The following NRXN1 variants were observed in gnomAD, a reference collection of about 807,000 sequenced individuals.
NRXN1 encodes neurexin-1.
NRXN1 carries 39 observed loss-of-function variants against 150.9 expected under a neutral mutation model. That is an observed-to-expected ratio of 0.26 (90% CI 0.20 to 0.34). The LOEUF is 0.34. NRXN1 is among the 10% of genes least tolerant of loss of function. The pLI is 1.00. For missense variants in NRXN1, 1,815 were observed against 1,949.9 expected, an observed-to-expected ratio of 0.93 and a Z score of 1.30; for synonymous variants, 924 against 757.0, an observed-to-expected ratio of 1.22 and a Z score of -3.62.
At chr2:50,893,865 T>G (rs1016201523) in intron 5 of NRXN1, among the ~76,000 whole-genome samples, 6 of 152,176 alleles carry the variant, frequency 3.9e-5, no homozygotes, top group Non-Finnish European at 8.8e-5. Flanking sequence ...TGGTTTTTTG[T>G]TCTTGTGATA....
At chr2:50,919,999 G>T (rs1685765095) in intron 5 of NRXN1, 1 of 398,494 alleles carries the variant, frequency 2.5e-6, no homozygotes, top group Non-Finnish European at 5.4e-6. Flanking sequence ...TAGATTTGTT[G>T]AATTAATCTG....
rs147892843 is a variant in NRXN1, at chr2:50,861,535, A to C, written c.832+60334T>G. ...CGTATAACCACCCCCACCTTTACCAAGTTTGAGATCAGATTTTAAGAGGAT... is the reference window on the plus strand; with the variant it reads ...CGTATAACCACCCCCACCTTTACCACGTTTGAGATCAGATTTTAAGAGGAT... On this transcript the variant is annotated intron_variant, in intron 5 of 22. Transcript: ENST00000401669. Among the ~76,000 whole-genome samples, 366 of 152,232 alleles carry C rather than the reference A, an allele frequency of 2.4e-3. 4 individuals are homozygous for C. Among genetic ancestry groups the C allele is most frequent in the African/African-American group, 8.5e-3 (352 of 41,556 alleles).
At chr2:50,435,162 G>A (rs2085318545) in intron 17 of NRXN1, among the ~76,000 whole-genome samples, 1 of 152,132 alleles carries the variant, frequency 6.6e-6, no homozygotes. Flanking sequence ...GAGAGAGTTG[G>A]ATGCTGAATA....
chr2:50,158,928 G>A (rs1040421611), intron 18 of NRXN1, among the ~76,000 whole-genome samples: 6 of 151,918 alleles, frequency 3.9e-5, no homozygotes, highest in African/African-American at 7.2e-5. Context: ...GACAAAAAAC[G>A]CGTAAGATAG....
In NRXN1 at chr2:50,977,974, A is replaced by C. The variant is rs114700596; in HGVS notation, c.772+49528T>G. Among the ~76,000 whole-genome samples the C allele has an allele frequency of 6.6e-3, 1,001 of 151,698 alleles. 9 individuals carry two copies. The highest frequency in any genetic ancestry group is 0.021 in the African/African-American group (884 of 41,472). ...AAGCTATACACCTTTTCTTCTTAGG[A>C]TTATTCTCAGTATTGCAGCATGTTG... On this transcript the variant is annotated intron_variant, in intron 2 of 22. Transcript: ENST00000401669.
At chr2:50,883,920 G>A (rs1679831057) in intron 5 of NRXN1, among the ~76,000 whole-genome samples, 1 of 151,774 alleles carries the variant, frequency 6.6e-6, no homozygotes, top group Non-Finnish European at 1.5e-5. Flanking sequence ...GGGGTGCAGT[G>A]TGTAACAGCC....
chr2:50,031,292 G>A (rs1174365613), intron 21 of NRXN1, among the ~76,000 whole-genome samples: 2 of 151,918 alleles, frequency 1.3e-5, no homozygotes, highest in South Asian at 2.1e-4. Flanking sequence ...TAATCTTGGT[G>A]TGTTTTTTTA....
chr2:50,526,965 G>T (rs547254216), intron 12 of NRXN1, among the ~76,000 whole-genome samples: 2 of 151,894 alleles, frequency 1.3e-5, no homozygotes, highest in East Asian at 3.9e-4. Flanking sequence ...GTCTAACAAG[G>T]GTAATTATAC....
At chr2:50,117,475 T>C (rs1292211694) in intron 18 of NRXN1, among the ~76,000 whole-genome samples, 1 of 152,130 alleles carries the variant, frequency 6.6e-6, no homozygotes, top group Non-Finnish European at 1.5e-5. Flanking sequence ...AGCATTTGTG[T>C]GCAGCATATA....
At chr2:50,260,100 A>G (rs1369930837) in intron 17 of NRXN1, among the ~76,000 whole-genome samples, 1 of 151,846 alleles carries the variant, frequency 6.6e-6, no homozygotes, top group African/African-American at 2.4e-5. Flanking sequence ...ATTTTAAAGC[A>G]TTTCCCTAAC....
chr2:50,097,598 C>T (rs753515351), intron 18 of NRXN1, among the ~76,000 whole-genome samples: 2 of 151,918 alleles, frequency 1.3e-5, no homozygotes, highest in Admixed American at 1.3e-4. Flanking sequence ...GTTATCTCAC[C>T]TAAAAACAAA....
chr2:50,034,525 G>C (rs1689707772), intron 21 of NRXN1, among the ~76,000 whole-genome samples: 1 of 151,864 alleles, frequency 6.6e-6, no homozygotes, highest in African/African-American at 2.4e-5. Context: ...AGAGTATCAG[G>C]AAAAATAACT....
At chr2:50,867,213 C>T (rs1677072096) in intron 5 of NRXN1, among the ~76,000 whole-genome samples, 1 of 151,868 alleles carries the variant, frequency 6.6e-6, no homozygotes, top group South Asian at 2.1e-4. Flanking sequence ...TAAGGGCCCT[C>T]TTCCCATCTC....
chr2:49,994,169 A>G (rs1411384923), intron 21 of NRXN1, among the ~76,000 whole-genome samples: 1 of 152,148 alleles, frequency 6.6e-6, no homozygotes, highest in African/African-American at 2.4e-5. Context: ...GCCTATGAAG[A>G]CTCATAATTG....
chr2:50,151,885 A>G (rs996371876), intron 18 of NRXN1, among the ~76,000 whole-genome samples: 1 of 151,838 alleles, frequency 6.6e-6, no homozygotes, highest in African/African-American at 2.4e-5. Context: ...CAAAAATAGA[A>G]ATAAAGAGTA....
intron 17 of NRXN1, among the ~76,000 whole-genome samples, chr2:50,417,784 A>G (rs922052670): frequency 6.6e-6 from 1 of 151,952 alleles, no homozygotes; most frequent in African/African-American, 2.4e-5. Flanking sequence ...CAAAGAAGAA[A>G]TGTACTGAAA....
rs1667874678 is a variant in NRXN1 at position 49,919,692 on chromosome 2, A to T, written c.*2252T>A. ...CGTGAATTATTTAATGTGGCAAATT[A>T]AAAAAAATGAAAATCTAGAAAAGAA... On this transcript the variant is annotated 3_prime_UTR_variant, in exon 23 of 23. Transcript: ENST00000401669. 6.6e-6 allele frequency: 1 copy of T among 151,878 alleles called. No homozygotes were observed. The highest frequency in any genetic ancestry group is 2.4e-5 in the African/African-American group (1 of 41,372). The allele number at this position is 151,878 out of a possible 1,614,324, so 9.4% of individuals were successfully genotyped here.
chr2:50,441,271 C>G (rs908559378), intron 17 of NRXN1, among the ~76,000 whole-genome samples: 27 of 152,092 alleles, frequency 1.8e-4, no homozygotes, highest in Non-Finnish European at 3.1e-4. Flanking sequence ...ATATAATTAC[C>G]TATTTCATGG....
At chr2:50,567,898 T>G (rs1035103638) in intron 8 of NRXN1, among the ~76,000 whole-genome samples, 1 of 152,156 alleles carries the variant, frequency 6.6e-6, no homozygotes, top group Non-Finnish European at 1.5e-5. Flanking sequence ...CCTGCTGATA[T>G]AGTAGAAAAG....
Sources: allele counts gnomAD v4.1 joint callset (sites outside exome capture counted in the v4.1 genomes callset), GRCh38; gene constraint gnomAD v4.1.1; transcripts MANE v1.5; gene names NCBI Gene and HGNC (gene_info 2026-07-23, HGNC 2026-07-21).